ADAMTS17: variants seen among roughly 807,000 people sequenced by gnomAD.
The protein encoded by ADAMTS17 is A disintegrin and metalloproteinase with thrombospondin motifs 17.
In ADAMTS17, 113 loss-of-function variants were observed where a neutral mutation model predicts 141.5. The observed-to-expected ratio is 0.80, with a 90% CI of 0.69 to 0.93. The LOEUF (loss-of-function observed/expected upper bound fraction) is 0.93. ADAMTS17 is among the 40% of genes least tolerant of loss of function. ADAMTS17 has a pLI of 0.00. For synonymous variants in ADAMTS17, 768 were observed against 630.6 expected, an observed-to-expected ratio of 1.22 and a Z score of -3.27; for missense variants, 1,659 against 1,517.9, an observed-to-expected ratio of 1.09 and a Z score of -1.54.
At chr15:100,206,161 CT>C (rs1405292680) in intron 7 of ADAMTS17, among the ~76,000 whole-genome samples, 9 of 152,218 alleles carry the variant, frequency 5.9e-5, no homozygotes, top group Admixed American at 2.0e-4. Context: ...TTGGAGTTCC[CT>C]TTCAGGAGAC....
At chr15:99,977,349 C>CAT (rs71151927) in intron 20 of ADAMTS17, among the ~76,000 whole-genome samples, 9 of 30,330 alleles carry the variant, frequency 3.0e-4, no homozygotes, top group African/African-American at 4.5e-4. Context: ...CCCTCCTCTT[C>CAT]ATATATATAT....
rs1213214437 is a variant in ADAMTS17 at position 100,001,669 on chromosome 15, A to G, written c.2592-4080T>C. ...TCAATTTTGATGTGAACCTACAAGT[A>G]CTCCACAGAATCAAGTCTAGGCCGG... On this transcript the variant is annotated intron_variant, in intron 18 of 21. Transcript: ENST00000268070. Among the ~76,000 whole-genome samples the G allele has an allele frequency of 2.0e-5, 3 of 151,822 alleles. No individual in the cohort carries two copies. The South Asian group carries it at 6.2e-4, about 32-fold the overall frequency.
At chr15:100,333,230 A>G (rs923222349) in intron 2 of ADAMTS17, among the ~76,000 whole-genome samples, 20 of 152,176 alleles carry the variant, frequency 1.3e-4, no homozygotes, top group African/African-American at 4.1e-4. Context: ...TGTTCCACTG[A>G]GGCAAGATCA....
chr15:100,070,280 C>A lies in ADAMTS17; in HGVS notation c.2138-16226G>T, dbSNP rs2033873456. Among the ~76,000 whole-genome samples the A allele has an allele frequency of 1.3e-5, 2 of 149,870 alleles. 1 individual carries two copies. The highest frequency in any genetic ancestry group is 4.9e-5 in the African/African-American group (2 of 40,478). ...ACCTACAAAGAGACTTAGACTCCCA[C>A]ACAATAATAATGGGAGACTTTAACA... is the stretch of plus-strand genomic sequence containing the variant. On this transcript the variant is annotated intron_variant, in intron 15 of 21. Coordinates refer to ENST00000268070, the MANE Select transcript of ADAMTS17 (RefSeq NM_139057.4).
intron 12 of ADAMTS17, among the ~76,000 whole-genome samples, chr15:100,125,356 A>C (rs11634512): frequency 0.55 from 84,086 of 152,114 alleles, 23,898 homozygotes; most frequent in Admixed American, 0.7. Flanking sequence ...TGGCACATGG[A>C]AAGCACATAG....
At chr15:100,220,846 G>C (rs1050534678) in intron 7 of ADAMTS17, among the ~76,000 whole-genome samples, 1 of 152,210 alleles carries the variant, frequency 6.6e-6, no homozygotes, top group East Asian at 1.9e-4. Flanking sequence ...TGTAATGTTA[G>C]TACTTCTTAT....
intron 8 of ADAMTS17, among the ~76,000 whole-genome samples, chr15:100,162,299 T>C (rs995649247): frequency 6.6e-6 from 1 of 151,244 alleles, no homozygotes; most frequent in African/African-American, 2.4e-5. Context: ...TGGGTTTGTG[T>C]AGACATATAT....
intron 2 of ADAMTS17, among the ~76,000 whole-genome samples, chr15:100,335,846 A>G (rs1205818685): frequency 6.7e-6 from 1 of 148,716 alleles, no homozygotes; most frequent in Non-Finnish European, 1.5e-5. Flanking sequence ...CACAGCTCCA[A>G]ATGGCCAAAC....
At chr15:100,302,815 G>A (rs887864247) in intron 3 of ADAMTS17, among the ~76,000 whole-genome samples, 1 of 152,126 alleles carries the variant, frequency 6.6e-6, no homozygotes, top group East Asian at 1.9e-4. Flanking sequence ...TTGAATCAGT[G>A]GGCTGCGAAA....
chr15:100,185,410 T>G (rs1027484703), intron 8 of ADAMTS17, among the ~76,000 whole-genome samples: 6 of 152,182 alleles, frequency 3.9e-5, no homozygotes, highest in Admixed American at 1.3e-4. Context: ...CAGATCCTGG[T>G]CTCTTTTGCC....
chr15:99,988,274 G>A (rs1049373515), intron 20 of ADAMTS17, among the ~76,000 whole-genome samples: 2 of 152,070 alleles, frequency 1.3e-5, no homozygotes, highest in African/African-American at 4.8e-5. Context: ...TCCTTCCCAC[G>A]GTCATGAGTG....
At chr15:100,163,927 G>A (rs968772438) in intron 8 of ADAMTS17, among the ~76,000 whole-genome samples, 3 of 152,214 alleles carry the variant, frequency 2.0e-5, no homozygotes, top group South Asian at 2.1e-4. Context: ...AACAGGGATA[G>A]AAGCGGCCAT....
intron 3 of ADAMTS17, 47 bp downstream of exon 3, chr15:100,330,842 G>C: frequency 6.2e-7 from 1 of 1,606,132 alleles, no homozygotes; most frequent in Non-Finnish European, 8.5e-7. Context: ...CAAAGGATGT[G>C]GGCTGTGCGT....
At position 100,263,508 on chromosome 15, in the gene ADAMTS17, A is replaced by G. The variant is rs183857362; in HGVS notation, c.790-1073T>C. Among the ~76,000 whole-genome samples the G allele has an allele frequency of 9.9e-3, 1,501 of 152,328 alleles. 15 individuals are homozygous for G. Among genetic ancestry groups the G allele is most frequent in the Non-Finnish European group, 0.014 (973 of 68,028 alleles). ...GCAGAACTTAATTGTAAGGACCTCA[A>G]CATCAAGCAGTCACAGCAAAGTGAT... On this transcript the variant is annotated intron_variant, in intron 4 of 21. Coordinates refer to ENST00000268070, the MANE Select transcript of ADAMTS17 (RefSeq NM_139057.4).
chr15:100,008,357 G>A lies in ADAMTS17; in HGVS notation c.2592-10768C>T, dbSNP rs190671510. Among the ~76,000 whole-genome samples the A allele has an allele frequency of 6.9e-3, 1,058 of 152,274 alleles. 11 individuals are homozygous for A. Among genetic ancestry groups the A allele is most frequent in the African/African-American group, 0.025 (1,025 of 41,530 alleles). ...CACCCAGGGTGACCAAGAGGTAGAA[G>A]CAGCCACTGAGAACAGGCTGCTGCA... On this transcript the variant is annotated intron_variant, in intron 18 of 21. Coordinates refer to ENST00000268070, the MANE Select transcript of ADAMTS17 (RefSeq NM_139057.4).
intron 18 of ADAMTS17, among the ~76,000 whole-genome samples, chr15:100,033,737 C>G (rs1453309392): frequency 6.6e-6 from 1 of 152,202 alleles, no homozygotes; most frequent in Non-Finnish European, 1.5e-5. Context: ...CCAGCCAATT[C>G]GGGGATCTTC....
intron 8 of ADAMTS17, among the ~76,000 whole-genome samples, chr15:100,189,501 G>A (rs11857443): frequency 0.19 from 29,108 of 152,082 alleles, 3,150 homozygotes; most frequent in East Asian, 0.3. Context: ...GTGCTCCCCA[G>A]ATGCAGAGCC....
chr15:100,222,523 C>A (rs2042166561), intron 7 of ADAMTS17, among the ~76,000 whole-genome samples: 1 of 152,210 alleles, frequency 6.6e-6, no homozygotes, highest in Non-Finnish European at 1.5e-5. Context: ...AACATGTGCA[C>A]CTGGGTGGCC....
intron 8 of ADAMTS17, among the ~76,000 whole-genome samples, chr15:100,170,407 G>A (rs569486885): frequency 5.3e-5 from 8 of 152,090 alleles, no homozygotes; most frequent in African/African-American, 9.7e-5. Context: ...ACAGCCAGCC[G>A]CGGAAAGTCC....
Sources: gnomAD v4.1 joint callset for allele counts (sites outside exome capture counted in the v4.1 genomes callset) on GRCh38, gnomAD v4.1.1 for gene constraint, MANE v1.5 for transcripts, NCBI Gene and HGNC (gene_info 2026-07-23, HGNC 2026-07-21) for gene names.